MPHOSPH6: variants seen among roughly 807,000 people sequenced by gnomAD.
MPHOSPH6 encodes the protein M-phase phosphoprotein 6.
Under a neutral mutation model 21.8 loss-of-function variants are expected in MPHOSPH6, and 25 were observed. The observed-to-expected ratio is 1.15, with a 90% confidence interval of 0.83 to 1.60. The LOEUF is 1.60. Among genes scored for constraint, MPHOSPH6 ranks in the 40% most tolerant of loss-of-function variants. The pLI is 0.00. For missense variants in MPHOSPH6, 269 were observed against 181.8 expected, an observed-to-expected ratio of 1.48 and a Z score of -2.76; for synonymous variants, 84 against 56.5, an observed-to-expected ratio of 1.49 and a Z score of -2.18.
chr16:82,157,899 G>A (rs1211233872), intron 2 of MPHOSPH6, among the ~76,000 whole-genome samples: 3 of 152,218 alleles, frequency 2.0e-5, no homozygotes, highest in African/African-American at 7.2e-5. Context: ...AGTAGTAGCA[G>A]GAGGTCAGAG....
At chr16:82,160,309 T>G (rs1906567598) in intron 2 of MPHOSPH6, among the ~76,000 whole-genome samples, 1 of 152,162 alleles carries the variant, frequency 6.6e-6, no homozygotes, top group African/African-American at 2.4e-5. Flanking sequence ...CCCACAAAAT[T>G]ATTTCATAAA....
At chr16:82,165,133 A>G (rs9934289) in intron 1 of MPHOSPH6, among the ~76,000 whole-genome samples, 1 of 93,132 alleles carries the variant, frequency 1.1e-5, no homozygotes, top group Non-Finnish European at 1.9e-5. Flanking sequence ...TTTTTTTTTT[A>G]TTTTTTTTTT....
chr16:82,166,643 A>T (rs1352199227), intron 1 of MPHOSPH6, among the ~76,000 whole-genome samples: 1 of 150,608 alleles, frequency 6.6e-6, no homozygotes. Flanking sequence ...TACACAAAAG[A>T]GCTCACTCAG....
At chr16:82,161,047 C>T (rs1039120782) in intron 2 of MPHOSPH6, among the ~76,000 whole-genome samples, 4 of 152,102 alleles carry the variant, frequency 2.6e-5, no homozygotes, top group African/African-American at 9.7e-5. Context: ...TCGTTCATAC[C>T]CCTTGCTCCC....
At chr16:82,153,470 G>T (rs139428267) in intron 2 of MPHOSPH6, among the ~76,000 whole-genome samples, 327 of 152,348 alleles carry the variant, frequency 2.1e-3, no homozygotes, top group Non-Finnish European at 3.8e-3. Flanking sequence ...AGCAGGGAGT[G>T]GGGGACTCAC....
intron 2 of MPHOSPH6, among the ~76,000 whole-genome samples, chr16:82,157,833 A>C (rs1192715015): frequency 6.6e-6 from 1 of 152,198 alleles, no homozygotes. Context: ...CTGAGAAGGG[A>C]ATCTAACCTG....
At chr16:82,160,646 C>G (rs1567614532) in intron 2 of MPHOSPH6, among the ~76,000 whole-genome samples, 1 of 152,196 alleles carries the variant, frequency 6.6e-6, no homozygotes, top group Admixed American at 6.5e-5. Context: ...CAGGAGATCT[C>G]AGCTATGATG....
intron 2 of MPHOSPH6, among the ~76,000 whole-genome samples, chr16:82,155,900 G>C (rs997680243): frequency 6.9e-6 from 1 of 145,450 alleles, no homozygotes; most frequent in African/African-American, 2.6e-5. Context: ...GTGACACTCT[G>C]TCTCAAAAAA....
intron 2 of MPHOSPH6, among the ~76,000 whole-genome samples, chr16:82,157,558 C>T (rs1342516991): frequency 1.3e-5 from 2 of 152,170 alleles, no homozygotes; most frequent in Non-Finnish European, 2.9e-5. Context: ...GTATGGTTTA[C>T]AAAGATGCAT....
chr16:82,166,708 C>G (rs1243848469), intron 1 of MPHOSPH6, among the ~76,000 whole-genome samples: 2 of 152,204 alleles, frequency 1.3e-5, no homozygotes, highest in South Asian at 2.1e-4. Flanking sequence ...TCCAGATTCT[C>G]TTTCTGGGAT....
At chr16:82,150,534 C>T (rs1906231057) in intron 3 of MPHOSPH6, among the ~76,000 whole-genome samples, 1 of 152,222 alleles carries the variant, frequency 6.6e-6, no homozygotes, top group South Asian at 2.1e-4. Flanking sequence ...GCTTAGTTAA[C>T]TGTGGCTCCT....
chr16:82,167,249 A>G lies in MPHOSPH6; in HGVS notation c.51+2876T>C, dbSNP rs1289969165. 2.6e-5 allele frequency among the ~76,000 whole-genome samples: 4 copies of G among 152,210 alleles called. No homozygotes were observed. In the East Asian group the frequency reaches 7.7e-4, roughly 29 times the overall value. ...ACCATTCCATACTGGAAGACCTTCC[A>G]TCCACATCCTTCTTTTTCTTCTTCC... On this transcript the variant is annotated intron_variant, in intron 1 of 4. Transcript: ENST00000258169.
At chr16:82,166,305 C>A (rs1906777665) in intron 1 of MPHOSPH6, among the ~76,000 whole-genome samples, 1 of 152,222 alleles carries the variant, frequency 6.6e-6, no homozygotes, top group African/African-American at 2.4e-5. Context: ...ATCCTCATCC[C>A]AGGAAAGAAC....
At chr16:82,169,838 T>C (rs2911429) in intron 1 of MPHOSPH6, among the ~76,000 whole-genome samples, 115,747 of 152,112 alleles carry the variant, frequency 0.76, 44,163 homozygotes, top group East Asian at 0.85. Flanking sequence ...GTCCCCAAGG[T>C]CCCCAGCGCT....
chr16:82,170,216 A>T lies in MPHOSPH6; in HGVS notation c.-41T>A. ...GCGCCGCACTCCGGCCGCGAGCCTC[A>T]CCGCACATGCGCGGAGCCGCGTGCG... On this transcript the variant is annotated 5_prime_UTR_variant, in exon 1 of 5. Coordinates refer to ENST00000258169, the MANE Select transcript of MPHOSPH6 (RefSeq NM_005792.2). 6.4e-7 allele frequency: 1 copy of T among 1,561,034 alleles called. No individual in the cohort carries two copies. Among genetic ancestry groups the T allele is most frequent in the Non-Finnish European group, 8.7e-7 (1 of 1,155,500 alleles).
At chr16:82,164,746 A>C (rs991042815) in intron 1 of MPHOSPH6, 1 of 152,342 alleles carries the variant, frequency 6.6e-6, no homozygotes, top group Admixed American at 6.5e-5. Flanking sequence ...TGATGACTGA[A>C]GCACAGTAAG....
intron 4 of MPHOSPH6, 68 bp downstream of exon 4, chr16:82,149,241 A>G: frequency 6.7e-7 from 1 of 1,482,650 alleles, no homozygotes; most frequent in Non-Finnish European, 9.4e-7. Context: ...GTGGGGTAAG[A>G]GGAGCATTCC....
intron 2 of MPHOSPH6, among the ~76,000 whole-genome samples, chr16:82,159,783 CCT>C (rs1413220083): frequency 6.6e-6 from 1 of 152,142 alleles, no homozygotes; most frequent in Non-Finnish European, 1.5e-5. Context: ...GATTTTGGTT[CCT>C]CTCTCACTGG....
At chr16:82,167,288 C>G (rs749958359) in intron 1 of MPHOSPH6, among the ~76,000 whole-genome samples, 6 of 152,150 alleles carry the variant, frequency 3.9e-5, no homozygotes, top group Non-Finnish European at 8.8e-5. Flanking sequence ...TAGGATCACC[C>G]TGCAATGGCT....
Sources: gnomAD v4.1 joint callset for allele counts (sites outside exome capture counted in the v4.1 genomes callset) on GRCh38, gnomAD v4.1.1 for gene constraint, MANE v1.5 for transcripts, NCBI Gene and HGNC (gene_info 2026-07-23, HGNC 2026-07-21) for gene names.